Variants in LZTS3 observed in about 807,000 individuals in gnomAD.
LZTS3 encodes the protein leucine zipper putative tumor suppressor 3.
In LZTS3, 16 loss-of-function variants were observed where a neutral mutation model predicts 50.9. That is an observed-to-expected ratio of 0.31 (90% CI 0.21 to 0.48). LZTS3 has a LOEUF of 0.48. Ranked by LOEUF, LZTS3 falls within the 20% of genes least tolerant of loss-of-function variation. LZTS3 has a pLI of 0.99. For missense variants in LZTS3, 816 were observed against 931.0 expected (o/e 0.88, Z 1.61); for synonymous variants, 408 against 410.6 (o/e 0.99, Z 0.08).
In LZTS3 at chr20:3,165,682, G is replaced by A; in HGVS notation, c.1138C>T (p.Arg380Ter). ...GCSGKLQQVA[R>*]RAQRAQQGLQ... Reference sequence around the variant, plus strand: ...CCCTGCTGGGCGCGCTGGGCACGTCGGGCCACCTGCTGTAGCTTCCCGCTG... The same window carrying A: ...CCCTGCTGGGCGCGCTGGGCACGTCAGGCCACCTGCTGTAGCTTCCCGCTG... Residue 380 changes from arginine to a stop codon, truncating the protein, a stop_gained, in exon 4 of 5, where the codon CGA (arginine) becomes TGA (stop). Coordinates refer to ENST00000337576, the MANE Select transcript of LZTS3 (RefSeq NM_001365618.1). LOFTEE classifies it high-confidence loss of function. This position sits in a 1 kb window ranked among gnomAD's most constrained non-coding sequence, Gnocchi z 5.0. 6.3e-7 allele frequency: 1 copy of A among 1,581,706 alleles called. No individual in the cohort carries two copies. Among genetic ancestry groups the A allele is most frequent in the East Asian group, 2.3e-5 (1 of 43,770 alleles).
chr20:3,166,663 C>T lies in LZTS3; in HGVS notation c.459+42G>A, dbSNP rs781272250. 6 of 1,590,614 alleles carry T rather than the reference C, an allele frequency of 3.8e-6. No individual in the cohort carries two copies. The South Asian group carries it at 6.7e-5, about 18-fold the overall frequency. ...CTTCCTCTCTGGGTTGCCTCCCACC[C>T]CCAGAAAAAGGCTGTGAGGGTCTCA... On this transcript the variant is annotated intron_variant, in intron 3 of 4. Coordinates refer to ENST00000337576, the MANE Select transcript of LZTS3 (RefSeq NM_001365618.1).
Position 3,166,927 on chromosome 20 carries a change from G to T in LZTS3, c.237C>A (p.Ser79Arg). Residue 79 changes from serine (S) to arginine (R), a missense_variant, in exon 3 of 5, where the codon AGC becomes AGA. By Grantham distance (110) the Ser-to-Arg change is moderately radical. Around this residue, in one of 3 missense-constraint regions of LZTS3, gnomAD observed 700 missense variants for 769.4 expected, o/e 0.91. Transcript: ENST00000337576. ...AGGGGTAGCGGCCCGGCCTCTCCCT[G>T]CTGGCCCCACTGCCACTGCCTCGGG... ...PGPRGSGSGA[S>R]RERPGRYPSE... The T allele has an allele frequency of 6.2e-7, 1 of 1,610,246 alleles. No individual in the cohort carries two copies.
In LZTS3 at chr20:3,165,626, C is replaced by G. The variant is rs547135393; in HGVS notation, c.1194G>C (p.Gln398His). The change falls in exon 4 of 5, where the codon CAG (glutamine) becomes CAC (histidine). Residue 398 changes from glutamine (Q) to histidine (H), a missense_variant. Physicochemically the swap from Gln to His is conservative, Grantham distance 24. Around this residue, in one of 3 missense-constraint regions of LZTS3, gnomAD observed 700 missense variants for 769.4 expected, o/e 0.91. Coordinates refer to ENST00000337576, the MANE Select transcript of LZTS3 (RefSeq NM_001365618.1). This position sits in a 1 kb window ranked among gnomAD's most constrained non-coding sequence, Gnocchi z 5.0. ...CCTCCTCCTGCAGCTGCTTCTTGTC[C>G]TGCTGCAGCCGCAACACCTGCAGCT... Reference protein sequence around the residue: ...GLQLQVLRLQQDKKQLQEEAA... With the variant: ...GLQLQVLRLQHDKKQLQEEAA... 6.3e-7 allele frequency: 1 copy of G among 1,595,610 alleles called. No individual in the cohort carries two copies. Among genetic ancestry groups the G allele is most frequent in the Admixed American group, 1.7e-5 (1 of 59,746 alleles).
At chr20:3,170,486 C>CAAAAAAAAAAAAAAAAAA (rs397955055) in intron 1 of LZTS3, among the ~76,000 whole-genome samples, 2 of 72,566 alleles carry the variant, frequency 2.8e-5, no homozygotes, top group East Asian at 4.0e-4. Flanking sequence ...GAGACTACAT[C>CAAAAAAAAAAAAAAAAAA]AAAAAAAAAA....
chr20:3,170,155 C>T (rs1218856228), intron 1 of LZTS3, among the ~76,000 whole-genome samples: 3 of 152,044 alleles, frequency 2.0e-5, no homozygotes, highest in Non-Finnish European at 4.4e-5. Context: ...AGGAGCTGGT[C>T]TCGAGACATC....
Position 3,165,372 on chromosome 20 carries a change from T to C in LZTS3, c.1323+125A>G. The C allele has an allele frequency of 1.4e-6, 2 of 1,408,414 alleles. No homozygotes were observed. The highest frequency in any genetic ancestry group is 9.4e-7 in the Non-Finnish European group (1 of 1,066,292). 87.2% of individuals were successfully genotyped at this position (1,408,414 alleles called of 1,614,324 possible). A position where few individuals can be genotyped will look rare whatever the true frequency, so the allele number is the denominator to read the frequency against. On this transcript the variant is annotated intron_variant, in intron 4 of 4. Transcript: ENST00000337576. The surrounding 1 kb of genome is among the most constrained non-coding windows in gnomAD (Gnocchi z 5.0). ...CTCACAGACACTCCCAATTGATTTT[T>C]GTCCCCCCTGCTCCTTTCATCCCCC...
Position 3,165,728 on chromosome 20 carries a change from C to A in LZTS3, c.1092G>T (p.Leu364=). 6.3e-7 allele frequency: 1 copy of A among 1,575,154 alleles called. No homozygotes were observed. The highest frequency in any genetic ancestry group is 8.6e-7 in the Non-Finnish European group (1 of 1,168,358). ...CGCTGCAGCCCTGCCGCAGCTCGGC[C>A]AGCTCCCGCTCCCACGCCTTCTGCC... is the stretch of plus-strand genomic sequence containing the variant. ...EERQKAWERE[L]AELRQGCSGK... is the part of the protein sequence containing the mutation. Residue 364 remains leucine (L), a synonymous_variant, in exon 4 of 5, where the codon CTG becomes CTT. Transcript: ENST00000337576. This position sits in a 1 kb window ranked among gnomAD's most constrained non-coding sequence, Gnocchi z 5.0.
chr20:3,166,448 C>A, intron 3 of LZTS3, 88 bp from the exon 4 acceptor site: 1 of 1,430,998 alleles, frequency 7.0e-7, no homozygotes, highest in Non-Finnish European at 9.3e-7. Context: ...CTTGTCCAGC[C>A]CCACCTCCCA....
intron 1 of LZTS3, among the ~76,000 whole-genome samples, chr20:3,172,323 T>C (rs1241742307): frequency 6.6e-6 from 1 of 152,210 alleles, no homozygotes; most frequent in East Asian, 1.9e-4. Flanking sequence ...CACACCTACA[T>C]TGCAGGCATT....
At chr20:3,172,374 C>T (rs1188850194) in intron 1 of LZTS3, among the ~76,000 whole-genome samples, 2 of 152,208 alleles carry the variant, frequency 1.3e-5, no homozygotes, top group African/African-American at 4.8e-5. Context: ...CCTGGTATTC[C>T]TCTTGGTCCC....
rs2066811517 is a variant in LZTS3 at position 3,165,973 on chromosome 20, T to C, written c.847A>G (p.Ser283Gly). The stretch of plus-strand genomic sequence containing the variant: ...ATAGATGACGACGACCCACTCTTGC[T>C]GGAGGCCCGTCCACTATCGGAGGTC... Reference protein sequence around the residue: ...LGTSDSGRASSKSGSSSSMGR... With the variant: ...LGTSDSGRASGKSGSSSSMGR... The change falls in exon 4 of 5, where the codon AGC becomes GGC. Residue 283 changes from serine to glycine, a missense_variant. Ser to Gly is a moderately conservative substitution (Grantham distance 56). This residue lies in a region of LZTS3 where 700 missense variants were observed against 769.4 expected (regional missense o/e 0.91). Coordinates refer to ENST00000337576, the MANE Select transcript of LZTS3 (RefSeq NM_001365618.1). The surrounding 1 kb of genome is among the most constrained non-coding windows in gnomAD (Gnocchi z 5.0). 6.2e-7 allele frequency: 1 copy of C among 1,613,356 alleles called. No homozygotes were observed. The highest frequency in any genetic ancestry group is 8.5e-7 in the Non-Finnish European group (1 of 1,180,020).
rs1242102335 is a variant in LZTS3 at position 3,164,713 on chromosome 20, C to T, written c.1763G>A (p.Arg588Gln). 1.9e-6 allele frequency: 3 copies of T among 1,572,880 alleles called. No individual in the cohort carries two copies. In the Admixed American group the frequency reaches 5.6e-5, roughly 29 times the overall value. ...GRLQAELAAE[R>Q]RARERQGASF... The stretch of plus-strand genomic sequence containing the variant: ...GGCACCCTGGCGCTCCCGGGCCCGC[C>T]GCTCAGCCGCCAGCTCGGCCTGCAG... The change falls in exon 5 of 5, where the codon CGG becomes CAG. Residue 588 changes from arginine (R) to glutamine (Q), a missense_variant. Physicochemically the swap from Arg to Gln is conservative, Grantham distance 43 (BLOSUM62 1). Coordinates refer to ENST00000337576, the MANE Select transcript of LZTS3 (RefSeq NM_001365618.1).
Position 3,167,802 on chromosome 20 carries a change from T to C in LZTS3, c.-83A>G. The stretch of plus-strand genomic sequence containing the variant: ...CAGCGCAGGCTTCTCTCCTTGCCTT[T>C]CCAAGGGGTTGAGGGGCCGACGGGT... On this transcript the variant is annotated 5_prime_UTR_variant, in exon 2 of 5. Coordinates refer to ENST00000337576, the MANE Select transcript of LZTS3 (RefSeq NM_001365618.1). 5 of 985,428 alleles carry C rather than the reference T, an allele frequency of 5.1e-6. No individual in the cohort carries two copies. Among genetic ancestry groups the C allele is most frequent in the Non-Finnish European group, 6.0e-6 (5 of 829,970 alleles). 61.0% of individuals were successfully genotyped at this position (985,428 alleles called of 1,614,324 possible).
rs989984949 is a variant in LZTS3 at position 3,164,929 on chromosome 20, C to G, written c.1547G>C (p.Cys516Ser). 26 of 1,548,634 alleles carry G rather than the reference C, an allele frequency of 1.7e-5. No individual in the cohort carries two copies. Among genetic ancestry groups the G allele is most frequent in the Non-Finnish European group, 2.2e-5 (25 of 1,153,418 alleles). Residue 516 changes from cysteine (C) to serine (S), a missense_variant, in exon 5 of 5, where the codon TGC (cysteine) becomes TCC (serine). Physicochemically the swap from Cys to Ser is moderately radical, Grantham distance 112 (BLOSUM62 -1). Coordinates refer to ENST00000337576, the MANE Select transcript of LZTS3 (RefSeq NM_001365618.1). ...CACGGGGGTCAGCGCCGGCTTGAGGCAGGCGGCAGGCAGCTCGCCTTCGCC... is the reference window on the plus strand; with the variant it reads ...CACGGGGGTCAGCGCCGGCTTGAGGGAGGCGGCAGGCAGCTCGCCTTCGCC... ...ELGEGELPAA[C>S]LKPALTPVDP... is the part of the protein sequence containing the mutation.
Position 3,165,227 on chromosome 20 carries a change from G to T in LZTS3, c.1324-75C>A, listed in dbSNP as rs1361200237. On this transcript the variant is annotated intron_variant, in intron 4 of 4. Transcript: ENST00000337576. This position sits in a 1 kb window ranked among gnomAD's most constrained non-coding sequence, Gnocchi z 5.0. The stretch of plus-strand genomic sequence containing the variant: ...TCACCCCAACCCAGCTACCAGATCT[G>T]GAGCCAGGGGCACCAAGCTTCCCGG... The T allele has an allele frequency of 3.4e-5, 47 of 1,380,002 alleles. No individual in the cohort carries two copies. Among genetic ancestry groups the T allele is most frequent in the Non-Finnish European group, 3.8e-6 (4 of 1,047,494 alleles). The allele number at this position is 1,380,002 out of a possible 1,614,324, so 85.5% of individuals were successfully genotyped here.
intron 1 of LZTS3, among the ~76,000 whole-genome samples, chr20:3,169,657 T>C (rs2066877890): frequency 6.6e-6 from 1 of 151,814 alleles, no homozygotes; most frequent in Admixed American, 6.6e-5. Flanking sequence ...GGTGGGCAGA[T>C]TACTTGAGGC....
In LZTS3 at chr20:3,166,180, T is replaced by C; in HGVS notation, c.640A>G (p.Ser214Gly). 6.2e-7 allele frequency: 1 copy of C among 1,613,756 alleles called. No homozygotes were observed. Among genetic ancestry groups the C allele is most frequent in the Non-Finnish European group, 8.5e-7 (1 of 1,179,888 alleles). Residue 214 changes from serine to glycine, a missense_variant, in exon 4 of 5, where the codon AGT (serine) becomes GGT (glycine). Physicochemically the swap from Ser to Gly is moderately conservative, Grantham distance 56. Transcript: ENST00000337576. Reference protein sequence around the residue: ...RTMTPAGGSGSGLSDSGRNSL... With the variant: ...RTMTPAGGSGGGLSDSGRNSL... ...TTCCGGCCTGAGTCTGAGAGGCCAC[T>C]CCCACTCCCACCCGCTGGAGTCATG...
At chr20:3,167,628 G>A in intron 2 of LZTS3, 110 bp downstream of exon 2, 1 of 990,884 alleles carries the variant, frequency 1.0e-6, no homozygotes, top group Non-Finnish European at 1.2e-6. Flanking sequence ...GGTTGGAAGG[G>A]GAGAGCAGTA....
chr20:3,171,133 A>G (rs959079335), intron 1 of LZTS3, among the ~76,000 whole-genome samples: 4 of 152,150 alleles, frequency 2.6e-5, no homozygotes, highest in African/African-American at 9.7e-5. Context: ...GGTGCTTTGT[A>G]AACTATAAGG....
Sources: allele counts gnomAD v4.1 joint callset (sites outside exome capture counted in the v4.1 genomes callset), GRCh38; gene constraint gnomAD v4.1.1; regional missense constraint gnomAD v4.1.1; non-coding constraint Gnocchi (gnomAD v3.1); transcripts MANE v1.5; gene names NCBI Gene and HGNC (gene_info 2026-07-23, HGNC 2026-07-21).